CSMD1: variants seen among roughly 807,000 people sequenced by gnomAD.
CSMD1 encodes CUB and Sushi multiple domains 1.
CSMD1 carries 213 observed loss-of-function variants against 417.5 expected under a neutral mutation model. The ratio of observed to expected loss-of-function variants is 0.51; its 90% CI spans 0.46 to 0.57. The LOEUF is 0.57. Ranked by LOEUF, CSMD1 falls within the 20% of genes least tolerant of loss-of-function variation. CSMD1 has a pLI of 0.00. For missense variants in CSMD1, 6,923 were observed against 4,529.7 expected, an observed-to-expected ratio of 1.53 and a Z score of -15.17; for synonymous variants, 2,862 against 1,736.8, an observed-to-expected ratio of 1.65 and a Z score of -16.11.
At position 4,396,279 on chromosome 8, in the gene CSMD1, C is replaced by T. The variant is rs528375586; in HGVS notation, c.415+23674G>A. On this transcript the variant is annotated intron_variant, in intron 3 of 69. Transcript: ENST00000635120. ...GTGTTTGAGACCAGCTTGGGGAATA[C>T]AGTGAGACATCATCTCTTAAAAGTA... Among the ~76,000 whole-genome samples the T allele has an allele frequency of 6.5e-4, 97 of 149,424 alleles. 1 individual carries two copies. The highest frequency in any genetic ancestry group is 2.2e-3 in the African/African-American group (88 of 40,170).
chr8:3,572,332 G>C (rs1799980242), intron 10 of CSMD1, among the ~76,000 whole-genome samples: 1 of 152,140 alleles, frequency 6.6e-6, no homozygotes, highest in Admixed American at 6.5e-5. Context: ...AGGGAGGGCT[G>C]AGGCTCTGCC....
At chr8:3,901,178 G>C (rs1337216144) in intron 5 of CSMD1, among the ~76,000 whole-genome samples, 1 of 152,162 alleles carries the variant, frequency 6.6e-6, no homozygotes, top group Admixed American at 6.5e-5. Context: ...GCATGCAAAA[G>C]CAGAGAATTT....
intron 10 of CSMD1, among the ~76,000 whole-genome samples, chr8:3,535,388 G>A (rs193058488): frequency 2.0e-5 from 3 of 152,274 alleles, no homozygotes; most frequent in Non-Finnish European, 4.4e-5. Flanking sequence ...AAATAAAAGT[G>A]TGAACCCTGA....
At chr8:4,992,236 C>T (rs997499092) in intron 1 of CSMD1, among the ~76,000 whole-genome samples, 1 of 152,164 alleles carries the variant, frequency 6.6e-6, no homozygotes, top group Admixed American at 6.5e-5. Flanking sequence ...CTCCCGCCTC[C>T]GCCTCAGCCT....
chr8:4,074,882 A>C (rs1799741823), intron 3 of CSMD1, among the ~76,000 whole-genome samples: 1 of 152,114 alleles, frequency 6.6e-6, no homozygotes, highest in Admixed American at 6.6e-5. Context: ...CACTCCTCTT[A>C]AACTTCCACG....
intron 3 of CSMD1, among the ~76,000 whole-genome samples, chr8:4,325,247 T>G (rs1008366873): frequency 2.6e-5 from 4 of 152,210 alleles, no homozygotes; most frequent in Non-Finnish European, 5.9e-5. Flanking sequence ...AATGTGCGAC[T>G]TTCAAGACCT....
chr8:4,307,765 G>A (rs961630847), intron 3 of CSMD1, among the ~76,000 whole-genome samples: 2 of 152,282 alleles, frequency 1.3e-5, no homozygotes, highest in South Asian at 2.1e-4. Flanking sequence ...TTTATCAAGG[G>A]TGGAATAAGG....
chr8:4,380,571 G>T (rs969957983), intron 3 of CSMD1, among the ~76,000 whole-genome samples: 1 of 152,170 alleles, frequency 6.6e-6, no homozygotes, highest in Non-Finnish European at 1.5e-5. Flanking sequence ...GATGGGACCC[G>T]TGGATGGAAT....
rs1182335987 is a variant in CSMD1, at chr8:4,461,676, G to A, written c.303-41611C>T. On this transcript the variant is annotated intron_variant, in intron 2 of 69. Coordinates refer to ENST00000635120, the MANE Select transcript of CSMD1 (RefSeq NM_033225.6). ...AGCAATCCTCCCACCTCAGCCTGCTGTATAGCTGGGGCCATGGGCAAACAC... is the reference window on the plus strand; with the variant it reads ...AGCAATCCTCCCACCTCAGCCTGCTATATAGCTGGGGCCATGGGCAAACAC... 2.7e-5 allele frequency among the ~76,000 whole-genome samples: 4 copies of A among 150,126 alleles called. No homozygotes were observed. In the East Asian group the frequency reaches 8.0e-4, roughly 30 times the overall value.
intron 5 of CSMD1, among the ~76,000 whole-genome samples, chr8:3,992,299 G>A (rs191474407): frequency 1.3e-5 from 2 of 151,908 alleles, no homozygotes; most frequent in Admixed American, 6.6e-5. Flanking sequence ...TGCCTACCTG[G>A]AGTACGCAAG....
At chr8:4,648,641 G>A (rs146198520) in intron 1 of CSMD1, among the ~76,000 whole-genome samples, 33 of 152,182 alleles carry the variant, frequency 2.2e-4, no homozygotes, top group Admixed American at 7.8e-4. Flanking sequence ...CACCATTTAC[G>A]TTGCTCATTT....
At chr8:4,587,059 T>C (rs546670585) in intron 2 of CSMD1, among the ~76,000 whole-genome samples, 1 of 152,318 alleles carries the variant, frequency 6.6e-6, no homozygotes, top group African/African-American at 2.4e-5. Flanking sequence ...TCTCTTTTAA[T>C]CCATGAAACA....
chr8:3,712,074 T>C (rs1585116926), intron 6 of CSMD1, among the ~76,000 whole-genome samples: 1 of 152,176 alleles, frequency 6.6e-6, no homozygotes, highest in African/African-American at 2.4e-5. Flanking sequence ...CTAGGGAATA[T>C]ATGTATTTAT....
intron 1 of CSMD1, among the ~76,000 whole-genome samples, chr8:4,894,986 C>T (rs1033008404): frequency 1.3e-5 from 2 of 152,162 alleles, no homozygotes; most frequent in African/African-American, 4.8e-5. Context: ...CTTTTCTGAT[C>T]TACTGCCTTC....
chr8:3,632,657 A>G (rs185484514), intron 7 of CSMD1, among the ~76,000 whole-genome samples: 6 of 152,330 alleles, frequency 3.9e-5, no homozygotes, highest in Admixed American at 2.0e-4. Context: ...AAATAATTAA[A>G]TAACTGTCAC....
chr8:3,418,383 A>T (rs1410848552), intron 12 of CSMD1, among the ~76,000 whole-genome samples: 1 of 152,138 alleles, frequency 6.6e-6, no homozygotes, highest in Non-Finnish European at 1.5e-5. Flanking sequence ...TGCTGTTGGA[A>T]TTCAGAACTT....
chr8:3,839,924 GA>G (rs1803009158), intron 5 of CSMD1, among the ~76,000 whole-genome samples: 1 of 152,026 alleles, frequency 6.6e-6, no homozygotes, highest in Non-Finnish European at 1.5e-5. Flanking sequence ...AATTCACAGA[GA>G]TGCAGTGATC....
intron 6 of CSMD1, among the ~76,000 whole-genome samples, chr8:3,725,189 G>C (rs1374289314): frequency 2.0e-5 from 3 of 152,118 alleles, no homozygotes; most frequent in East Asian, 3.9e-4. Context: ...CAAGGAGGTA[G>C]GTTCAAGGAA....
intron 3 of CSMD1, among the ~76,000 whole-genome samples, chr8:4,042,486 G>A (rs1459442726): frequency 6.6e-6 from 1 of 151,966 alleles, no homozygotes; most frequent in Non-Finnish European, 1.5e-5. Flanking sequence ...AGAGAAACAA[G>A]TTCAGACATG....
Sources: gnomAD v4.1 joint callset for allele counts (sites outside exome capture counted in the v4.1 genomes callset) on GRCh38, gnomAD v4.1.1 for gene constraint, MANE v1.5 for transcripts, NCBI Gene and HGNC (gene_info 2026-07-23, HGNC 2026-07-21) for gene names.